The following ALDH3B1 variants were observed in gnomAD, a reference collection of about 807,000 sequenced individuals.
The protein encoded by ALDH3B1 is aldehyde dehydrogenase family 3 member B1.
A neutral mutation model predicts 46.2 loss-of-function variants in ALDH3B1; 37 were observed. That is an observed-to-expected ratio of 0.80 (90% CI 0.62 to 1.05). ALDH3B1 has a LOEUF of 1.05. ALDH3B1 is among the 50% of genes least tolerant of loss of function. The pLI is 0.00. For missense variants in ALDH3B1, 603 were observed against 665.5 expected (o/e 0.91, Z 1.03); for synonymous variants, 283 against 281.0 (o/e 1.01, Z -0.07).
chr11:68,012,045 G>A (rs908083287), intron 1 of ALDH3B1, among the ~76,000 whole-genome samples: 1 of 152,220 alleles, frequency 6.6e-6, no homozygotes, highest in Non-Finnish European at 1.5e-5. Context: ...CATGCTGGGA[G>A]GATGCTCTTA....
In ALDH3B1 at chr11:68,021,713, T is replaced by C. The variant is rs777868671; in HGVS notation, c.791T>C (p.Leu264Pro). Residue 264 changes from leucine to proline, a missense_variant, in exon 7 of 10, where the codon CTG becomes CCG. Transcript: ENST00000342456. ...PEMQERLLPA[L>P]QSTITRFYGD... Reference sequence around the variant, plus strand: ...ATGCAGGAGAGGCTGCTGCCTGCCCTGCAGAGCACCATCACCCGTTTCTAT... The same window carrying C: ...ATGCAGGAGAGGCTGCTGCCTGCCCCGCAGAGCACCATCACCCGTTTCTAT... 6.2e-7 allele frequency: 1 copy of C among 1,613,964 alleles called. No homozygotes were observed. Among genetic ancestry groups the C allele is most frequent in the Non-Finnish European group, 8.5e-7 (1 of 1,179,998 alleles).
intron 1 of ALDH3B1, among the ~76,000 whole-genome samples, chr11:68,011,441 A>G (rs547333487): frequency 6.6e-6 from 1 of 152,272 alleles, no homozygotes; most frequent in East Asian, 1.9e-4. Flanking sequence ...GCTTCCTTAA[A>G]GCTTCGGTTT....
At chr11:68,027,663 G>A (rs530669407) in intron 9 of ALDH3B1, 86 bp from the exon 10 acceptor site, 1 of 1,357,126 alleles carries the variant, frequency 7.4e-7, no homozygotes, top group East Asian at 2.5e-5. Context: ...GAGGCTCAGA[G>A]GGGAGAAGTA....
In ALDH3B1 at chr11:68,021,865, T is replaced by G; in HGVS notation, c.943T>G (p.Tyr315Asp). 1 of 1,601,474 alleles carries G rather than the reference T, an allele frequency of 6.2e-7. No individual in the cohort carries two copies. The highest frequency in any genetic ancestry group is 8.5e-7 in the Non-Finnish European group (1 of 1,173,100). The change falls in exon 7 of 10, where the codon TAC (tyrosine) becomes GAC (aspartate). Residue 315 changes from tyrosine to aspartate, a missense_variant. Physicochemically the swap from Tyr to Asp is radical, Grantham distance 160. Transcript: ENST00000342456. Reference sequence around the variant, plus strand: ...GGGCCAGAGCGATGAGAGCGATCGCTACATCGGTGAGTCCTGCTGCCCCTA... The same window carrying G: ...GGGCCAGAGCGATGAGAGCGATCGCGACATCGGTGAGTCCTGCTGCCCCTA... ...IGGQSDESDR[Y>D]IAPTVLVDVQ...
In ALDH3B1 at chr11:68,021,849, C is replaced by T. The variant is rs547462708; in HGVS notation, c.927C>T (p.Ser309=). 19 of 1,610,120 alleles carry T rather than the reference C, an allele frequency of 1.2e-5. No individual in the cohort carries two copies. Among genetic ancestry groups the T allele is most frequent in the African/African-American group, 2.7e-5 (2 of 75,014 alleles). The change falls in exon 7 of 10, where the codon AGC becomes AGT. Residue 309 remains serine, a synonymous_variant. Transcript: ENST00000342456. ...GCGRVAIGGQ[S]DESDRYIAPT... The stretch of plus-strand genomic sequence containing the variant: ...GCCGTGTGGCCATTGGGGGCCAGAG[C>T]GATGAGAGCGATCGCTACATCGGTG...
intron 5 of ALDH3B1, 28 bp downstream of exon 5, chr11:68,019,283 C>T (rs143290196): frequency 7.4e-4 from 1,177 of 1,598,624 alleles, no homozygotes; most frequent in Non-Finnish European, 8.9e-4. Flanking sequence ...GCAGGTAGAG[C>T]GGGAACAGGC....
Position 68,026,055 on chromosome 11 carries a change from G to C in ALDH3B1, c.1163G>C (p.Gly388Ala). The change falls in exon 9 of 10, where the codon GGG becomes GCG. Residue 388 changes from glycine to alanine, a missense_variant. Coordinates refer to ENST00000342456, the MANE Select transcript of ALDH3B1 (RefSeq NM_000694.4). Reference sequence around the variant, plus strand: ...CAGACCAGCAGCGGGGGCTTCTGTGGGAACGACGGCTTCATGCACATGACC... The same window carrying C: ...CAGACCAGCAGCGGGGGCTTCTGTGCGAACGACGGCTTCATGCACATGACC... ...LTQTSSGGFC[G>A]NDGFMHMTLA... is the part of the protein sequence containing the mutation. 1 of 1,609,540 alleles carries C rather than the reference G, an allele frequency of 6.2e-7. No homozygotes were observed. Among genetic ancestry groups the C allele is most frequent in the Non-Finnish European group, 8.5e-7 (1 of 1,177,912 alleles).
chr11:68,014,377 G>C (rs191675143), intron 1 of ALDH3B1, among the ~76,000 whole-genome samples: 25 of 152,336 alleles, frequency 1.6e-4, no homozygotes, highest in African/African-American at 4.3e-4. Context: ...GAGATCTGGA[G>C]GAAAGGGACT....
chr11:68,008,892 C>T (rs3763941), upstream of ALDH3B1, among the ~76,000 whole-genome samples: 7,407 of 152,306 alleles, frequency 0.049, 249 homozygotes, highest in East Asian at 0.13. Flanking sequence ...ACACCCACAG[C>T]AGCTTGCACA....
intron 8 of ALDH3B1, chr11:68,024,896 A>G (rs1857586900): frequency 6.6e-6 from 1 of 152,128 alleles, no homozygotes; most frequent in African/African-American, 2.4e-5. Context: ...TCGGGCTCAG[A>G]AGCCCATGTA....
intron 9 of ALDH3B1, 115 bp from the exon 10 acceptor site, chr11:68,027,634 C>A (rs1160403165): frequency 2.6e-6 from 3 of 1,138,546 alleles, no homozygotes; most frequent in Non-Finnish European, 3.7e-6. Flanking sequence ...GATCAGCCCA[C>A]TGGACAGATG....
rs1854629336 is a variant in ALDH3B1 at position 68,028,157 on chromosome 11, C to T, written c.*218C>T. The T allele has an allele frequency of 1.3e-6, 1 of 758,042 alleles. No individual in the cohort carries two copies. The allele number at this position is 758,042 out of a possible 1,614,324, so 47.0% of individuals were successfully genotyped here. ...CAACCATGAGAGCCGAGGTGGGAGGCATGGGAAACAGTGCAGTGACTCACC... is the reference window on the plus strand; with the variant it reads ...CAACCATGAGAGCCGAGGTGGGAGGTATGGGAAACAGTGCAGTGACTCACC... On this transcript the variant is annotated 3_prime_UTR_variant, in exon 10 of 10. Transcript: ENST00000342456.
Position 68,027,851 on chromosome 11 carries a change from C to T in ALDH3B1, c.1319C>T (p.Ala440Val). 6 of 1,551,740 alleles carry T rather than the reference C, an allele frequency of 3.9e-6. No individual in the cohort carries two copies. Among genetic ancestry groups the T allele is most frequent in the East Asian group, 2.4e-5 (1 of 41,186 alleles). ...AGCCCGGGGATGGAGAAGCTCAACG[C>T]CCTCCGCTACCCGCCGCAATCGCCG... Reference protein sequence around the residue: ...LRSPGMEKLNALRYPPQSPRR... With the variant: ...LRSPGMEKLNVLRYPPQSPRR... Residue 440 changes from alanine to valine, a missense_variant, in exon 10 of 10, where the codon GCC becomes GTC. Transcript: ENST00000342456.
intron 8 of ALDH3B1, chr11:68,024,903 T>A (rs1857587009): frequency 6.6e-6 from 1 of 152,178 alleles, no homozygotes; most frequent in African/African-American, 2.4e-5. Context: ...CAGAAGCCCA[T>A]GTAAGATGTC....
intron 2 of ALDH3B1, chr11:68,017,654 C>T (rs1857380842): frequency 6.6e-6 from 1 of 152,230 alleles, no homozygotes; most frequent in African/African-American, 2.4e-5. Flanking sequence ...ATTCGGGTCT[C>T]CTCACTCCTG....
chr11:68,011,238 T>C (rs1187451683), intron 1 of ALDH3B1, among the ~76,000 whole-genome samples: 1 of 152,206 alleles, frequency 6.6e-6, no homozygotes, highest in East Asian at 1.9e-4. Flanking sequence ...AGGGGGTTCA[T>C]AAGGCAGAAA....
At chr11:68,026,816 G>A (rs1322331115) in intron 9 of ALDH3B1, among the ~76,000 whole-genome samples, 1 of 152,232 alleles carries the variant, frequency 6.6e-6, no homozygotes. Context: ...TGCCTCAGGT[G>A]GGTCCATGCC....
At chr11:68,014,981 G>A (rs1008697696) in intron 1 of ALDH3B1, 13 of 311,970 alleles carry the variant, frequency 4.2e-5, no homozygotes, top group African/African-American at 1.9e-4. Context: ...GCTCACCCTC[G>A]GGGGCTGTGG....
intron 9 of ALDH3B1, among the ~76,000 whole-genome samples, chr11:68,027,445 A>G (rs751579444): frequency 1.3e-5 from 2 of 152,180 alleles, no homozygotes; most frequent in Admixed American, 6.5e-5. Context: ...AGACTGAGGC[A>G]CAGTCCAAGG....
Sources: allele counts gnomAD v4.1 joint callset (sites outside exome capture counted in the v4.1 genomes callset), GRCh38; gene constraint gnomAD v4.1.1; transcripts MANE v1.5; gene names NCBI Gene and HGNC (gene_info 2026-07-23, HGNC 2026-07-21).